Variants in RETREG1 observed in about 807,000 individuals in gnomAD.
The protein encoded by RETREG1 is reticulophagy regulator 1, also known as family with sequence similarity 134 member B.
Under a neutral mutation model 54.8 loss-of-function variants are expected in RETREG1, and 44 were observed. The observed-to-expected ratio is 0.80, with a 90% CI of 0.63 to 1.03. The LOEUF (loss-of-function observed/expected upper bound fraction) is 1.03. Ranked by LOEUF, RETREG1 falls within the 50% of genes least tolerant of loss-of-function variation. The probability of loss-of-function intolerance (pLI) is 0.00; values close to 1 mark genes in which losing one functional copy is unlikely to be tolerated. For missense variants in RETREG1, 554 were observed against 605.1 expected, an observed-to-expected ratio of 0.92 and a Z score of 0.89; for synonymous variants, 217 against 238.5, an observed-to-expected ratio of 0.91 and a Z score of 0.83.
rs1324679974 is a variant in RETREG1 at position 16,597,554 on chromosome 5, T to C, written c.320+19098A>G. ...TTCTGCACTGGGCAAGGCCCCACACTCAGCCTGAAGTCAGCCACACCTCCA... is the reference window on the plus strand; with the variant it reads ...TTCTGCACTGGGCAAGGCCCCACACCCAGCCTGAAGTCAGCCACACCTCCA... On this transcript the variant is annotated intron_variant, in intron 1 of 8. Coordinates refer to ENST00000306320, the MANE Select transcript of RETREG1 (RefSeq NM_001034850.3). The surrounding 1 kb of genome is among the most constrained non-coding windows in gnomAD (Gnocchi z 4.3). 6.6e-6 allele frequency among the ~76,000 whole-genome samples: 1 copy of C among 152,102 alleles called. No homozygotes were observed. Among genetic ancestry groups the C allele is most frequent in the African/African-American group, 2.4e-5 (1 of 41,410 alleles).
At chr5:16,581,743 AAG>A (rs1742489275) in intron 1 of RETREG1, among the ~76,000 whole-genome samples, 1 of 102,386 alleles carries the variant, frequency 9.8e-6, no homozygotes. Flanking sequence ...AACCAATTAA[AAG>A]AAAAAAAACG....
At chr5:16,542,498 A>G (rs1403201751) in intron 3 of RETREG1, among the ~76,000 whole-genome samples, 1 of 152,210 alleles carries the variant, frequency 6.6e-6, no homozygotes, top group Non-Finnish European at 1.5e-5. Context: ...TTTTCCTCCA[A>G]CCAACCACCT....
intron 3 of RETREG1, among the ~76,000 whole-genome samples, chr5:16,539,469 C>T (rs1741175541): frequency 6.6e-6 from 1 of 152,128 alleles, no homozygotes; most frequent in Non-Finnish European, 1.5e-5. Context: ...TTTCATAATC[C>T]CGGGCCCGGT....
intron 6 of RETREG1, among the ~76,000 whole-genome samples, chr5:16,478,640 T>A (rs1047549723): frequency 6.6e-6 from 1 of 152,068 alleles, no homozygotes; most frequent in East Asian, 1.9e-4. Context: ...ACACTGTGGA[T>A]TAAAAAGTCA....
rs569488163 is a variant in RETREG1, at chr5:16,583,037, C to T, written c.321-10935G>A. ...GGGCAGACATCTGTGCCTGCTCAGG[C>T]TCAGCAATGCAGGAGGTCACAGCAA... On this transcript the variant is annotated intron_variant, in intron 1 of 8. Transcript: ENST00000306320. 5.1e-4 allele frequency among the ~76,000 whole-genome samples: 78 copies of T among 152,288 alleles called. 2 individuals carry two copies. The highest frequency in any genetic ancestry group is 1.7e-3 in the African/African-American group (71 of 41,536).
chr5:16,499,902 G>A (rs1276471359), intron 3 of RETREG1, among the ~76,000 whole-genome samples: 3 of 152,164 alleles, frequency 2.0e-5, no homozygotes, highest in African/African-American at 7.2e-5. Flanking sequence ...CTGCAGTCTG[G>A]TAATGCCTCC....
intron 3 of RETREG1, among the ~76,000 whole-genome samples, chr5:16,563,064 C>T (rs1181032374): frequency 6.6e-6 from 1 of 152,080 alleles, no homozygotes; most frequent in Admixed American, 6.6e-5. Flanking sequence ...AAATCTAAAA[C>T]TGTTTTTAAA....
chr5:16,565,344 G>A (rs1741977752), intron 3 of RETREG1, among the ~76,000 whole-genome samples: 1 of 152,138 alleles, frequency 6.6e-6, no homozygotes, highest in South Asian at 2.1e-4. Flanking sequence ...CCACCCCACA[G>A]TCCTCTGAAC....
chr5:16,543,796 T>C (rs1314810937), intron 3 of RETREG1, among the ~76,000 whole-genome samples: 3 of 152,126 alleles, frequency 2.0e-5, no homozygotes, highest in African/African-American at 4.8e-5. Flanking sequence ...ACACTTGGTA[T>C]GGTCAGTCTT....
intron 3 of RETREG1, among the ~76,000 whole-genome samples, chr5:16,493,109 A>C (rs556885180): frequency 6.6e-6 from 1 of 152,094 alleles, no homozygotes; most frequent in African/African-American, 2.4e-5. Flanking sequence ...TATCAAGTTT[A>C]AAACGACTCA....
chr5:16,578,226 G>T (rs1455861667), intron 1 of RETREG1, among the ~76,000 whole-genome samples: 1 of 151,978 alleles, frequency 6.6e-6, no homozygotes, highest in Non-Finnish European at 1.5e-5. Flanking sequence ...AATGTTCAAA[G>T]GAATATAACT....
At chr5:16,533,027 T>C (rs1740957346) in intron 3 of RETREG1, among the ~76,000 whole-genome samples, 1 of 151,686 alleles carries the variant, frequency 6.6e-6, no homozygotes. Flanking sequence ...CTAAAATGCA[T>C]ACTTTAGCAG....
intron 3 of RETREG1, among the ~76,000 whole-genome samples, chr5:16,512,348 T>G (rs1740204592): frequency 6.6e-6 from 1 of 152,180 alleles, no homozygotes; most frequent in Admixed American, 6.5e-5. Context: ...CAGCAGAGCC[T>G]ACACATGCTG....
intron 3 of RETREG1, among the ~76,000 whole-genome samples, chr5:16,507,288 T>C (rs950956197): frequency 6.6e-6 from 1 of 152,218 alleles, no homozygotes; most frequent in Non-Finnish European, 1.5e-5. Context: ...TAAAAATGCC[T>C]GTTCTGTGAA....
intron 3 of RETREG1, among the ~76,000 whole-genome samples, chr5:16,545,996 G>A (rs1031019879): frequency 2.0e-5 from 3 of 152,192 alleles, no homozygotes; most frequent in Admixed American, 2.0e-4. Context: ...GTGCAGATGT[G>A]AGCTAAACCC....
At chr5:16,566,455 A>T (rs79539316) in intron 2 of RETREG1, among the ~76,000 whole-genome samples, 1,570 of 152,310 alleles carry the variant, frequency 0.01, 30 homozygotes, top group African/African-American at 0.035. Flanking sequence ...ATTTGACTAC[A>T]TCTTGATATT....
At chr5:16,543,261 A>G (rs1288920557) in intron 3 of RETREG1, among the ~76,000 whole-genome samples, 1 of 152,206 alleles carries the variant, frequency 6.6e-6, no homozygotes, top group Non-Finnish European at 1.5e-5. Context: ...AGTTTCGGCT[A>G]TTACAAATAA....
intron 1 of RETREG1, among the ~76,000 whole-genome samples, chr5:16,608,022 G>T (rs1743243752): frequency 6.6e-6 from 1 of 152,084 alleles, no homozygotes; most frequent in African/African-American, 2.4e-5. Context: ...TGGGATTACA[G>T]GCGCATGCCA....
At chr5:16,488,955 CGCCTGTAGTCCCAGCTA>C (rs1739133895) in intron 3 of RETREG1, among the ~76,000 whole-genome samples, 1 of 151,876 alleles carries the variant, frequency 6.6e-6, no homozygotes, top group African/African-American at 2.4e-5. Context: ...TGGTGGCATG[CGCCTGTAGTCCCAGCTA>C]CTCAGGAGGC....
Sources: allele counts gnomAD v4.1 joint callset (sites outside exome capture counted in the v4.1 genomes callset), GRCh38; gene constraint gnomAD v4.1.1; non-coding constraint Gnocchi (gnomAD v3.1); transcripts MANE v1.5; gene names NCBI Gene and HGNC (gene_info 2026-07-23, HGNC 2026-07-21).